The following EXOC4 variants were observed in gnomAD, a reference collection of about 807,000 sequenced individuals.
EXOC4 encodes the protein exocyst complex component 4.
EXOC4 carries 71 observed loss-of-function variants against 107.2 expected under a neutral mutation model. The observed-to-expected ratio is 0.66, with a 90% CI of 0.55 to 0.81. The LOEUF is 0.81. EXOC4 is among the 30% of genes least tolerant of loss of function. The pLI is 0.00. For missense variants in EXOC4, 1,108 were observed against 1,189.6 expected (o/e 0.93, Z 1.01); for synonymous variants, 456 against 441.2 (o/e 1.03, Z -0.42).
intron 9 of EXOC4, among the ~76,000 whole-genome samples, chr7:133,597,628 C>T (rs1011132957): frequency 6.7e-6 from 1 of 149,534 alleles, no homozygotes; most frequent in African/African-American, 2.5e-5. Context: ...CTAGATCATT[C>T]TTCGGCTATA....
intron 10 of EXOC4, among the ~76,000 whole-genome samples, chr7:133,700,246 C>A (rs776335600): frequency 2.0e-5 from 3 of 152,100 alleles, no homozygotes; most frequent in Non-Finnish European, 4.4e-5. Flanking sequence ...TGATTTAACA[C>A]GCAATATTTT....
chr7:133,810,465 A>G (rs1395657420), intron 10 of EXOC4, among the ~76,000 whole-genome samples: 1 of 152,162 alleles, frequency 6.6e-6, no homozygotes, highest in Non-Finnish European at 1.5e-5. Flanking sequence ...TGCTGCAAGA[A>G]AGTAAATTCA....
At chr7:133,582,930 C>A (rs967511211) in intron 9 of EXOC4, among the ~76,000 whole-genome samples, 5 of 152,160 alleles carry the variant, frequency 3.3e-5, no homozygotes, top group Non-Finnish European at 7.3e-5. Context: ...TGGGAAATAA[C>A]AGTATATGTA....
At chr7:133,580,729 T>C (rs1189081816) in intron 9 of EXOC4, among the ~76,000 whole-genome samples, 1 of 152,238 alleles carries the variant, frequency 6.6e-6, no homozygotes, top group East Asian at 1.9e-4. Flanking sequence ...CACATATGTG[T>C]AGATAACTGT....
chr7:134,088,149 G>T, the EXOC4 span, among the ~76,000 whole-genome samples: 1 of 152,162 alleles, frequency 6.6e-6, no homozygotes, highest in African/African-American at 2.4e-5. Flanking sequence ...TGTAGACAAG[G>T]TACAAGGCCA....
At chr7:133,299,446 A>G (rs1794594991) in intron 3 of EXOC4, among the ~76,000 whole-genome samples, 1 of 152,186 alleles carries the variant, frequency 6.6e-6, no homozygotes, top group Admixed American at 6.5e-5. Context: ...AAATATGGGA[A>G]TTATTTGTGG....
intron 9 of EXOC4, among the ~76,000 whole-genome samples, chr7:133,530,339 A>G (rs1206060491): frequency 6.6e-6 from 1 of 152,216 alleles, no homozygotes; most frequent in Non-Finnish European, 1.5e-5. Flanking sequence ...TTGATTTCAT[A>G]GTTGTGCAAA....
At chr7:133,842,230 C>G (rs2151250250) in intron 11 of EXOC4, among the ~76,000 whole-genome samples, 1 of 152,356 alleles carries the variant, frequency 6.6e-6, no homozygotes, top group South Asian at 2.1e-4. Flanking sequence ...AATCCTCAAA[C>G]TGTTTTCCAT....
chr7:133,666,837 T>G (rs1793825403), intron 10 of EXOC4, among the ~76,000 whole-genome samples: 1 of 152,218 alleles, frequency 6.6e-6, no homozygotes, highest in African/African-American at 2.4e-5. Flanking sequence ...GATTTTTTCC[T>G]TCTTCAACTC....
intron 9 of EXOC4, among the ~76,000 whole-genome samples, chr7:133,525,685 C>G (rs1032717955): frequency 2.0e-5 from 3 of 152,050 alleles, no homozygotes; most frequent in Non-Finnish European, 4.4e-5. Context: ...TCTAATAATA[C>G]TATAATTTCA....
intron 9 of EXOC4, among the ~76,000 whole-genome samples, chr7:133,611,020 A>G (rs1330146914): frequency 1.4e-5 from 2 of 138,550 alleles, no homozygotes; most frequent in African/African-American, 5.4e-5. Flanking sequence ...ATGGAGTTTC[A>G]CCTGAACTCC....
chr7:133,788,712 C>T (rs530602390), intron 10 of EXOC4, among the ~76,000 whole-genome samples: 1 of 152,102 alleles, frequency 6.6e-6, no homozygotes, highest in East Asian at 1.9e-4. Context: ...AGGCTGGTCT[C>T]GAACTCCTGA....
At chr7:133,253,497 T>C in intron 1 of EXOC4, 4 of 1,093,230 alleles carry the variant, frequency 3.7e-6, no homozygotes, top group Non-Finnish European at 4.5e-6. Flanking sequence ...TGTAAAGGTG[T>C]GTTTATTGAT....
chr7:133,948,811 A>G (rs927022849), intron 14 of EXOC4, among the ~76,000 whole-genome samples: 1 of 152,234 alleles, frequency 6.6e-6, no homozygotes, highest in East Asian at 1.9e-4. Context: ...AAAATCAGTC[A>G]ATGACAAAAA....
At chr7:133,895,804 G>A in intron 12 of EXOC4, 69 bp downstream of exon 12, 1 of 1,518,782 alleles carries the variant, frequency 6.6e-7, no homozygotes, top group Non-Finnish European at 9.0e-7. Flanking sequence ...TGGTGAAATT[G>A]CTTCAATAGC....
At chr7:133,718,584 C>T (rs1795043738) in intron 10 of EXOC4, among the ~76,000 whole-genome samples, 1 of 152,104 alleles carries the variant, frequency 6.6e-6, no homozygotes, top group African/African-American at 2.4e-5. Context: ...AATTTGCACC[C>T]TAGAAGACTT....
At chr7:133,317,705 G>C (rs1183579527) in intron 5 of EXOC4, among the ~76,000 whole-genome samples, 1 of 151,556 alleles carries the variant, frequency 6.6e-6, no homozygotes, top group Non-Finnish European at 1.5e-5. Flanking sequence ...TTTTTGAGAC[G>C]GAGTCTCGCT....
At chr7:133,602,380 G>T (rs780024988) in intron 9 of EXOC4, among the ~76,000 whole-genome samples, 1 of 152,138 alleles carries the variant, frequency 6.6e-6, no homozygotes, top group Non-Finnish European at 1.5e-5. Flanking sequence ...TAAAGTTCTG[G>T]CTCTTTTCCC....
chr7:133,887,255 T>C (rs1221805927), intron 11 of EXOC4, among the ~76,000 whole-genome samples: 1 of 152,184 alleles, frequency 6.6e-6, no homozygotes, highest in African/African-American at 2.4e-5. Flanking sequence ...GATTTCAAAA[T>C]GCAAGGTGTC....
Sources: gnomAD v4.1 joint callset for allele counts (sites outside exome capture counted in the v4.1 genomes callset) on GRCh38, gnomAD v4.1.1 for gene constraint, MANE v1.5 for transcripts, NCBI Gene and HGNC (gene_info 2026-07-23, HGNC 2026-07-21) for gene names.